Variants in PDE4D observed in about 807,000 individuals in gnomAD.
PDE4D encodes the protein phosphodiesterase 4D, also known as 3',5'-cyclic-AMP phosphodiesterase 4D.
Under a neutral mutation model 87.4 loss-of-function variants are expected in PDE4D, and 24 were observed. The ratio of observed to expected loss-of-function variants is 0.27; its 90% CI spans 0.20 to 0.39. The LOEUF is 0.39. Among genes scored for constraint, PDE4D ranks in the 10% least tolerant of loss-of-function variants. The probability of loss-of-function intolerance (pLI) is 1.00; values close to 1 mark genes in which losing one functional copy is unlikely to be tolerated. For missense variants in PDE4D, 714 were observed against 1,041.0 expected, an observed-to-expected ratio of 0.69 and a Z score of 4.32; for synonymous variants, 384 against 383.2, an observed-to-expected ratio of 1.00 and a Z score of -0.02.
intron 1 of PDE4D, among the ~76,000 whole-genome samples, chr5:59,796,089 C>T (rs952243284): frequency 1.3e-5 from 2 of 152,184 alleles, no homozygotes; most frequent in Admixed American, 6.5e-5. Context: ...TGTTGTAAGC[C>T]ACCTAGGTTG....
chr5:59,947,863 T>G (rs2152802625), intron 3 of PDE4D, among the ~76,000 whole-genome samples: 1 of 152,144 alleles, frequency 6.6e-6, no homozygotes, highest in East Asian at 1.9e-4. Context: ...AAAAATTAGC[T>G]GAGCATGGTG....
chr5:60,228,502 GC>G (rs76705426), intron 1 of PDE4D, among the ~76,000 whole-genome samples: 29,351 of 151,802 alleles, frequency 0.19, 3,953 homozygotes, highest in East Asian at 0.66. Flanking sequence ...TTACTTGGGT[GC>G]CCCCCAATGA....
intron 2 of PDE4D, among the ~76,000 whole-genome samples, chr5:60,029,544 G>A (rs556140579): frequency 9.2e-5 from 14 of 152,238 alleles, no homozygotes; most frequent in African/African-American, 3.4e-4. Context: ...ATAAAACTAA[G>A]CTATGCCCTA....
intron 1 of PDE4D, among the ~76,000 whole-genome samples, chr5:59,598,615 G>C (rs1166989053): frequency 3.3e-5 from 5 of 152,084 alleles, no homozygotes; most frequent in Non-Finnish European, 7.4e-5. Flanking sequence ...TTTTTGCTCT[G>C]GGAGGAGCAA....
intron 1 of PDE4D, among the ~76,000 whole-genome samples, chr5:59,266,623 T>A (rs901441614): frequency 6.6e-6 from 1 of 151,878 alleles, no homozygotes; most frequent in East Asian, 1.9e-4. Context: ...TTTCTCAATA[T>A]ATCTCTAGGG....
intron 1 of PDE4D, among the ~76,000 whole-genome samples, chr5:59,317,892 C>G (rs950638724): frequency 5.9e-5 from 9 of 152,120 alleles, no homozygotes; most frequent in Non-Finnish European, 1.2e-4. Flanking sequence ...CCCTCTGTTA[C>G]GATGGTTGAC....
At chr5:60,428,066 C>T (rs1334276638) in intron 1 of PDE4D, among the ~76,000 whole-genome samples, 1 of 151,710 alleles carries the variant, frequency 6.6e-6, no homozygotes, top group Non-Finnish European at 1.5e-5. Flanking sequence ...AGAGCAAGAC[C>T]CTGTCTCAAA....
intron 1 of PDE4D, among the ~76,000 whole-genome samples, chr5:60,377,150 AG>A (rs1761496136): frequency 6.6e-6 from 1 of 152,210 alleles, no homozygotes; most frequent in Non-Finnish European, 1.5e-5. Flanking sequence ...TCTCGCCTAT[AG>A]CATTCCTCAC....
chr5:59,317,579 C>T (rs1008540978), intron 1 of PDE4D, among the ~76,000 whole-genome samples: 11 of 152,070 alleles, frequency 7.2e-5, no homozygotes, highest in South Asian at 2.1e-4. Context: ...AGTCAGATTA[C>T]GTCTGACTGA....
At chr5:59,609,882 C>T (rs763308892) in intron 1 of PDE4D, among the ~76,000 whole-genome samples, 8 of 152,064 alleles carry the variant, frequency 5.3e-5, no homozygotes, top group Admixed American at 1.3e-4. Context: ...AATCATATCC[C>T]GGAAATACAA....
intron 5 of PDE4D, among the ~76,000 whole-genome samples, chr5:59,120,764 T>G (rs1774351351): frequency 1.3e-5 from 2 of 151,846 alleles, no homozygotes. Flanking sequence ...TCACACTACC[T>G]GACTTCAAGA....
At chr5:60,478,055 A>C (rs1748459630) in intron 1 of PDE4D, among the ~76,000 whole-genome samples, 1 of 152,172 alleles carries the variant, frequency 6.6e-6, no homozygotes, top group Non-Finnish European at 1.5e-5. Flanking sequence ...TAGCTAACTG[A>C]TACAACTTGG....
At chr5:59,445,213 C>T (rs1798177181) in intron 1 of PDE4D, among the ~76,000 whole-genome samples, 1 of 152,082 alleles carries the variant, frequency 6.6e-6, no homozygotes, top group South Asian at 2.1e-4. Context: ...TATGAAAAAA[C>T]CTAGGTTTTA....
intron 5 of PDE4D, among the ~76,000 whole-genome samples, chr5:59,121,788 T>C (rs555411422): frequency 1.3e-5 from 2 of 152,144 alleles, no homozygotes; most frequent in African/African-American, 2.4e-5. Context: ...TGCAGCACTA[T>C]ACAGAATAGC....
At chr5:59,363,365 G>A (rs536066502) in intron 1 of PDE4D, among the ~76,000 whole-genome samples, 214 of 152,274 alleles carry the variant, frequency 1.4e-3, no homozygotes, top group Middle Eastern at 6.8e-3. Context: ...TTACGAAGTT[G>A]AAGTAACTTG....
At chr5:59,299,319 G>A (rs1353678254) in intron 1 of PDE4D, among the ~76,000 whole-genome samples, 1 of 152,154 alleles carries the variant, frequency 6.6e-6, no homozygotes, top group Admixed American at 6.5e-5. Flanking sequence ...TAACTCTGGG[G>A]TCTGTTCCAC....
chr5:60,282,208 C>CATATATATATATATATATATATAT (rs140298004), intron 1 of PDE4D, among the ~76,000 whole-genome samples: 46 of 128,394 alleles, frequency 3.6e-4, no homozygotes, highest in African/African-American at 9.0e-4. Context: ...GAGAAATAAA[C>CATATATATATATATATATATATAT]ATATATATAT....
chr5:59,175,719 C>T (rs909541125), intron 5 of PDE4D, among the ~76,000 whole-genome samples: 1 of 151,082 alleles, frequency 6.6e-6, no homozygotes, highest in Non-Finnish European at 1.5e-5. Flanking sequence ...ACCTGGTGAT[C>T]CACCCGCCTT....
intron 1 of PDE4D, among the ~76,000 whole-genome samples, chr5:60,268,064 A>G (rs1013288534): frequency 2.0e-5 from 3 of 152,194 alleles, no homozygotes; most frequent in African/African-American, 7.2e-5. Flanking sequence ...CAGGCTGTGC[A>G]GGCACCAGGT....
Sources: gnomAD v4.1 joint callset for allele counts (sites outside exome capture counted in the v4.1 genomes callset) on GRCh38, gnomAD v4.1.1 for gene constraint, MANE v1.5 for transcripts, NCBI Gene and HGNC (gene_info 2026-07-23, HGNC 2026-07-21) for gene names.